Variants in SORCS3 observed in about 807,000 individuals in gnomAD.
SORCS3 encodes VPS10 domain-containing receptor SorCS3.
A neutral mutation model predicts 146.3 loss-of-function variants in SORCS3; 57 were observed. The ratio of observed to expected loss-of-function variants is 0.39; its 90% confidence interval spans 0.31 to 0.49. The LOEUF (loss-of-function observed/expected upper bound fraction) is 0.49, where lower values mean the gene tolerates loss of function less well. Ranked by LOEUF, SORCS3 falls within the 20% of genes least tolerant of loss-of-function variation. The pLI is 0.92. For missense variants in SORCS3, 1,341 were observed against 1,575.5 expected (o/e 0.85, Z 2.52); for synonymous variants, 653 against 618.5 (o/e 1.06, Z -0.83).
chr10:105,039,228 C>T (rs2055323860), intron 4 of SORCS3, among the ~76,000 whole-genome samples: 1 of 152,136 alleles, frequency 6.6e-6, no homozygotes, highest in Non-Finnish European at 1.5e-5. Context: ...GTTTCAGACT[C>T]AGCAACTTAC....
chr10:105,122,969 C>T (rs1356461493), intron 7 of SORCS3, among the ~76,000 whole-genome samples: 1 of 152,188 alleles, frequency 6.6e-6, no homozygotes, highest in Non-Finnish European at 1.5e-5. Flanking sequence ...ATTGGGTGAT[C>T]TTGGGCCATC....
At chr10:105,142,317 T>C (rs942212092) in intron 8 of SORCS3, among the ~76,000 whole-genome samples, 3 of 152,218 alleles carry the variant, frequency 2.0e-5, no homozygotes, top group Non-Finnish European at 4.4e-5. Flanking sequence ...CCCTTTTGTG[T>C]TTGGGAAATG....
chr10:105,028,147 A>T (rs2055243036), intron 4 of SORCS3, among the ~76,000 whole-genome samples: 1 of 152,152 alleles, frequency 6.6e-6, no homozygotes, highest in African/African-American at 2.4e-5. Context: ...CGTATATATA[A>T]GTAGGTTTTC....
At chr10:104,956,106 G>A (rs1257989485) in intron 3 of SORCS3, among the ~76,000 whole-genome samples, 2 of 152,254 alleles carry the variant, frequency 1.3e-5, no homozygotes, top group Non-Finnish European at 1.5e-5. Flanking sequence ...CAATGGTAAC[G>A]TGGGATATTT....
At chr10:104,746,225 C>A (rs1053397519) in intron 1 of SORCS3, among the ~76,000 whole-genome samples, 1 of 151,260 alleles carries the variant, frequency 6.6e-6, no homozygotes, top group African/African-American at 2.4e-5. Flanking sequence ...CAAGCTCCGC[C>A]TCCCAGGTTC....
intron 2 of SORCS3, among the ~76,000 whole-genome samples, chr10:104,893,723 G>T (rs1041744530): frequency 6.6e-6 from 1 of 152,094 alleles, no homozygotes; most frequent in African/African-American, 2.4e-5. Context: ...TCTGCATGTC[G>T]CAAAGAATCT....
chr10:105,180,914 T>A (rs1195859838), intron 14 of SORCS3, among the ~76,000 whole-genome samples: 1 of 152,310 alleles, frequency 6.6e-6, no homozygotes, highest in East Asian at 1.9e-4. Context: ...CTTATTTATT[T>A]TTTCCTTCAC....
At chr10:105,154,797 T>C (rs2056194951) in intron 9 of SORCS3, among the ~76,000 whole-genome samples, 1 of 152,218 alleles carries the variant, frequency 6.6e-6, no homozygotes, top group African/African-American at 2.4e-5. Flanking sequence ...ATGAGTCTAC[T>C]GGGTTGCAAC....
intron 25 of SORCS3, among the ~76,000 whole-genome samples, chr10:105,259,010 C>A (rs536983285): frequency 6.6e-6 from 1 of 152,168 alleles, no homozygotes; most frequent in African/African-American, 2.4e-5. Context: ...TTTCCCCACT[C>A]ATCACATGGA....
chr10:105,129,668 C>CACACACAA (rs1369854812), intron 7 of SORCS3, among the ~76,000 whole-genome samples: 1 of 151,554 alleles, frequency 6.6e-6, no homozygotes. Context: ...CAAATACACA[C>CACACACAA]ACACACACAC....
intron 9 of SORCS3, among the ~76,000 whole-genome samples, chr10:105,153,495 G>T (rs1017173536): frequency 1.3e-5 from 2 of 152,154 alleles, no homozygotes; most frequent in Admixed American, 1.3e-4. Flanking sequence ...GTAAGTATAT[G>T]TTTATAAGAA....
chr10:105,107,272 G>A (rs762007809), intron 7 of SORCS3, among the ~76,000 whole-genome samples: 1 of 148,664 alleles, frequency 6.7e-6, no homozygotes, highest in Non-Finnish European at 1.5e-5. Context: ...CATTCTCATT[G>A]TTATGGTCCC....
chr10:104,743,800 C>T (rs542950973), intron 1 of SORCS3, among the ~76,000 whole-genome samples: 146 of 152,134 alleles, frequency 9.6e-4, no homozygotes, highest in Admixed American at 2.4e-3. Context: ...TTGTCTGTAC[C>T]GATGTGGATA....
intron 4 of SORCS3, among the ~76,000 whole-genome samples, chr10:104,999,468 T>G (rs550162319): frequency 2.5e-4 from 38 of 152,342 alleles, no homozygotes; most frequent in Non-Finnish European, 1.6e-4. Context: ...TTTCTGCCTG[T>G]TGGAAATAGT....
Position 104,860,791 on chromosome 10 carries a change from GGC to G in SORCS3, c.695+17933_695+17934del, listed in dbSNP as rs750590152. 7.9e-5 allele frequency among the ~76,000 whole-genome samples: 12 copies of G among 152,232 alleles called. No homozygotes were observed. The South Asian group carries it at 2.5e-3, about 32-fold the overall frequency. ...GGCAGAGAGCTTCAGTAACTTTCCTGGCATGCTTACTAGGTGTTTGAGCTGTG... is the reference window on the plus strand; with the variant it reads ...GGCAGAGAGCTTCAGTAACTTTCCTGATGCTTACTAGGTGTTTGAGCTGTG... On this transcript the variant is annotated intron_variant, in intron 2 of 26. Transcript: ENST00000369701.
rs565620572 is a variant in SORCS3 at position 105,181,581 on chromosome 10, A to G, written c.2009+3408A>G. 5.3e-5 allele frequency among the ~76,000 whole-genome samples: 8 copies of G among 152,206 alleles called. No homozygotes were observed. The East Asian group carries it at 1.5e-3, about 29-fold the overall frequency. On this transcript the variant is annotated intron_variant, in intron 14 of 26. Transcript: ENST00000369701. ...ACACCGTAGCTTTGCAGGAGGATTT[A>G]CATGGGAGACAGTCCCCAGAGTGGA...
intron 1 of SORCS3, among the ~76,000 whole-genome samples, chr10:104,766,513 C>T (rs546261323): frequency 2.0e-5 from 3 of 152,322 alleles, no homozygotes; most frequent in Non-Finnish European, 4.4e-5. Context: ...TTTGTGTTCA[C>T]TCTTGTATCG....
chr10:105,260,598 A>G (rs2056954930), intron 25 of SORCS3, among the ~76,000 whole-genome samples: 1 of 152,226 alleles, frequency 6.6e-6, no homozygotes, highest in African/African-American at 2.4e-5. Context: ...AAAAATAATT[A>G]GAAGCAACTA....
At position 105,201,363 on chromosome 10, in the gene SORCS3, G is replaced by A. The variant is rs887411282; in HGVS notation, c.2261+110G>A. On this transcript the variant is annotated intron_variant, in intron 16 of 26. Transcript: ENST00000369701. ...GAGGAAGCATGACGCAGAGATAGGA[G>A]GTGTATCTGCTGGCCTGTGGGCCCA... The A allele has an allele frequency of 3.1e-6, 4 of 1,303,066 alleles. No homozygotes were observed. In the East Asian group the frequency reaches 9.6e-5, roughly 31 times the overall value. The allele number at this position is 1,303,066 out of a possible 1,614,324, so 80.7% of individuals were successfully genotyped here.
Sources: allele counts gnomAD v4.1 joint callset (sites outside exome capture counted in the v4.1 genomes callset), GRCh38; gene constraint gnomAD v4.1.1; transcripts MANE v1.5; gene names NCBI Gene and HGNC (gene_info 2026-07-23, HGNC 2026-07-21).